The following POLQ variants were observed in gnomAD, a reference collection of about 807,000 sequenced individuals.
POLQ encodes the protein DNA polymerase theta.
In POLQ, 233 loss-of-function variants were observed where a neutral mutation model predicts 259.2. That is an observed-to-expected ratio of 0.90 (90% CI 0.81 to 1.00). POLQ has a LOEUF of 1.00. Ranked by LOEUF, POLQ falls within the 50% of genes least tolerant of loss-of-function variation. The probability of loss-of-function intolerance (pLI) is 0.00; values close to 1 mark genes in which losing one functional copy is unlikely to be tolerated. For missense variants in POLQ, 2,871 were observed against 3,051.6 expected (o/e 0.94, Z 1.39); for synonymous variants, 1,025 against 1,048.8 (o/e 0.98, Z 0.44).
At chr3:121,443,984 A>G (rs2047613547) in intron 26 of POLQ, among the ~76,000 whole-genome samples, 1 of 152,070 alleles carries the variant, frequency 6.6e-6, no homozygotes, top group Non-Finnish European at 1.5e-5. Flanking sequence ...TTTGGTTACT[A>G]TATGTCTGTA....
In POLQ at chr3:121,476,499, C is replaced by T. The variant is rs560402066; in HGVS notation, c.6405+41G>A. On this transcript the variant is annotated intron_variant, in intron 20 of 29. Coordinates refer to ENST00000264233, the MANE Select transcript of POLQ (RefSeq NM_199420.4). ...ACACACACACACAATCATTTTAACT[C>T]TAAAAATTATGTATCTATATCCCTA... 8 of 1,426,148 alleles carry T rather than the reference C, an allele frequency of 5.6e-6. No homozygotes were observed. In the Admixed American group the frequency reaches 1.5e-4, roughly 27 times the overall value. 88.3% of individuals were successfully genotyped at this position (1,426,148 alleles called of 1,614,324 possible). A position where few individuals can be genotyped will look rare whatever the true frequency, so the allele number is the denominator to read the frequency against.
At chr3:121,432,467 T>C in intron 29 of POLQ, 50 bp from the exon 30 acceptor site, 1 of 1,569,524 alleles carries the variant, frequency 6.4e-7, no homozygotes, top group Non-Finnish European at 8.6e-7. Context: ...AAAGAATGTT[T>C]CCCAAACCAT....
chr3:121,516,532 A>C (rs760846812), intron 9 of POLQ, among the ~76,000 whole-genome samples: 2 of 152,216 alleles, frequency 1.3e-5, no homozygotes, highest in Non-Finnish European at 2.9e-5. Context: ...AGGTTCCTGC[A>C]ACCACCTGTC....
At chr3:121,512,953 A>G (rs2048265708) in intron 9 of POLQ, among the ~76,000 whole-genome samples, 1 of 152,348 alleles carries the variant, frequency 6.6e-6, no homozygotes, top group Non-Finnish European at 1.5e-5. Flanking sequence ...ATGAACAAAA[A>G]TACATGAAAG....
At chr3:121,501,731 G>C (rs1465159799) in intron 12 of POLQ, among the ~76,000 whole-genome samples, 1 of 137,258 alleles carries the variant, frequency 7.3e-6, no homozygotes, top group Non-Finnish European at 1.5e-5. Flanking sequence ...TGTAATCCCA[G>C]AACTTTGGGA....
At chr3:121,453,742 A>C (rs139438816) in intron 25 of POLQ, among the ~76,000 whole-genome samples, 2,104 of 152,284 alleles carry the variant, frequency 0.014, 49 homozygotes, top group African/African-American at 0.048. Context: ...GAAAAGACCA[A>C]ATCTATGTCT....
At chr3:121,474,087 A>C (rs573240487) in intron 20 of POLQ, among the ~76,000 whole-genome samples, 2 of 152,336 alleles carry the variant, frequency 1.3e-5, no homozygotes, top group Admixed American at 6.5e-5. Flanking sequence ...ACTGGCAAAC[A>C]AGTTATTGAC....
chr3:121,534,558 T>G (rs989061813), intron 5 of POLQ, among the ~76,000 whole-genome samples: 1 of 152,180 alleles, frequency 6.6e-6, no homozygotes, highest in South Asian at 2.1e-4. Context: ...TGGCCTCAAG[T>G]GATCTGCCTG....
intron 12 of POLQ, among the ~76,000 whole-genome samples, chr3:121,507,760 C>G (rs1167668512): frequency 6.6e-6 from 1 of 152,088 alleles, no homozygotes; most frequent in Non-Finnish European, 1.5e-5. Flanking sequence ...TTAAAGATAA[C>G]TGCAAAATAA....
chr3:121,470,292 T>C (rs942731766), intron 22 of POLQ, among the ~76,000 whole-genome samples: 1 of 152,140 alleles, frequency 6.6e-6, no homozygotes, highest in African/African-American at 2.4e-5. Flanking sequence ...AAGAAAATTC[T>C]AGGTTGATGT....
intron 27 of POLQ, among the ~76,000 whole-genome samples, chr3:121,438,188 G>T (rs1013192989): frequency 6.6e-6 from 1 of 152,044 alleles, no homozygotes; most frequent in Non-Finnish European, 1.5e-5. Flanking sequence ...AAACAACCTG[G>T]CTGTGTTTAC....
In POLQ at chr3:121,453,106, C is replaced by T. The variant is rs571337229; in HGVS notation, c.7153-3680G>A. ...CGAAAATCCGCTGTTCTGCAGTCAC[C>T]GCTGTTGATATCCAGGCAACCAAGG... On this transcript the variant is annotated intron_variant, in intron 25 of 29. Transcript: ENST00000264233. Among the ~76,000 whole-genome samples the T allele has an allele frequency of 7.2e-5, 11 of 152,350 alleles. No homozygotes were observed. In the South Asian group the frequency reaches 1.0e-3, roughly 14 times the overall value.
At chr3:121,485,372 G>C (rs575221715) in intron 16 of POLQ, among the ~76,000 whole-genome samples, 188 bp from the exon 17 acceptor site, 19 of 152,246 alleles carry the variant, frequency 1.2e-4, no homozygotes, top group African/African-American at 4.6e-4. Flanking sequence ...TAAGATAACT[G>C]TCACTATGAA....
At chr3:121,458,915 G>C (rs2047766954) in intron 25 of POLQ, among the ~76,000 whole-genome samples, 1 of 152,188 alleles carries the variant, frequency 6.6e-6, no homozygotes, top group South Asian at 2.1e-4. Context: ...CTACAACTGT[G>C]AGGAACTAGA....
chr3:121,495,833 A>T (rs2048115614), intron 14 of POLQ, among the ~76,000 whole-genome samples: 1 of 135,060 alleles, frequency 7.4e-6, no homozygotes. Flanking sequence ...TGGGAGACAG[A>T]GCAAGACTCT....
intron 2 of POLQ, among the ~76,000 whole-genome samples, chr3:121,544,182 T>C (rs149020946): frequency 6.6e-6 from 1 of 151,682 alleles, no homozygotes; most frequent in African/African-American, 2.4e-5. Context: ...TGAAATCCCA[T>C]CTCTACTAAA....
intron 26 of POLQ, among the ~76,000 whole-genome samples, chr3:121,443,616 G>A (rs1030290239): frequency 1.3e-5 from 2 of 151,974 alleles, no homozygotes; most frequent in African/African-American, 4.8e-5. Flanking sequence ...GATCTCATTT[G>A]TCTATTTTTG....
intron 21 of POLQ, among the ~76,000 whole-genome samples, chr3:121,472,894 T>C (rs1410518493): frequency 6.6e-6 from 1 of 152,208 alleles, no homozygotes; most frequent in Admixed American, 6.5e-5. Context: ...CCATGGATTA[T>C]GATTAACAAT....
intron 25 of POLQ, among the ~76,000 whole-genome samples, chr3:121,450,640 C>T (rs1009844897): frequency 6.6e-6 from 1 of 151,716 alleles, no homozygotes; most frequent in Non-Finnish European, 1.5e-5. Flanking sequence ...GGCTTGTAGG[C>T]TTTCTGCAGA....
Sources: allele counts gnomAD v4.1 joint callset (sites outside exome capture counted in the v4.1 genomes callset), GRCh38; gene constraint gnomAD v4.1.1; transcripts MANE v1.5; gene names NCBI Gene and HGNC (gene_info 2026-07-23, HGNC 2026-07-21).